PAFAH1B1: variants seen among roughly 807,000 people sequenced by gnomAD.
PAFAH1B1 encodes platelet-activating factor acetylhydrolase IB subunit beta.
In PAFAH1B1, 2 loss-of-function variants were observed where a neutral mutation model predicts 57.5. The observed-to-expected ratio is 0.03, with a 90% confidence interval of 0.01 to 0.11. PAFAH1B1 has a LOEUF of 0.11. Ranked by LOEUF, PAFAH1B1 falls within the 10% of genes least tolerant of loss-of-function variation. The probability of loss-of-function intolerance (pLI) is 1.00; values close to 1 mark genes in which losing one functional copy is unlikely to be tolerated. For missense variants in PAFAH1B1, 257 were observed against 512.0 expected, an observed-to-expected ratio of 0.50 and a Z score of 4.81; for synonymous variants, 152 against 169.6, an observed-to-expected ratio of 0.90 and a Z score of 0.81.
At chr17:2,642,937 C>T (rs987363838) in intron 2 of PAFAH1B1, among the ~76,000 whole-genome samples, 1 of 152,068 alleles carries the variant, frequency 6.6e-6, no homozygotes, top group Non-Finnish European at 1.5e-5. Flanking sequence ...AAGTGTTACT[C>T]TCTTCTGAAT....
intron 1 of PAFAH1B1, among the ~76,000 whole-genome samples, chr17:2,628,447 T>C (rs1258960400): frequency 6.6e-6 from 1 of 152,114 alleles, no homozygotes; most frequent in African/African-American, 2.4e-5. Flanking sequence ...GATCAACACA[T>C]CTTTTTGATA....
At chr17:2,665,705 G>A (rs1029923223) in intron 3 of PAFAH1B1, among the ~76,000 whole-genome samples, 1 of 152,042 alleles carries the variant, frequency 6.6e-6, no homozygotes, top group Non-Finnish European at 1.5e-5. Flanking sequence ...AGATTCAAGC[G>A]ATTCTCCTAC....
At chr17:2,651,896 A>G (rs565542403) in intron 2 of PAFAH1B1, among the ~76,000 whole-genome samples, 1 of 152,210 alleles carries the variant, frequency 6.6e-6, no homozygotes, top group South Asian at 2.1e-4. Context: ...TTTTTGTTGT[A>G]TATTCTGTTG....
intron 2 of PAFAH1B1, among the ~76,000 whole-genome samples, chr17:2,652,653 G>A (rs558746087): frequency 1.3e-4 from 20 of 152,162 alleles, no homozygotes; most frequent in South Asian, 4.1e-4. Context: ...ACCTGCCCGC[G>A]CACTTCACGT....
chr17:2,658,491 A>G (rs976355528), intron 2 of PAFAH1B1, among the ~76,000 whole-genome samples: 2 of 152,154 alleles, frequency 1.3e-5, no homozygotes, highest in African/African-American at 4.8e-5. Context: ...GTGCAGTGTG[A>G]TATACTTAAC....
intron 1 of PAFAH1B1, among the ~76,000 whole-genome samples, chr17:2,633,674 A>ATTCTC (rs2068584406): frequency 6.6e-6 from 1 of 152,150 alleles, no homozygotes; most frequent in Non-Finnish European, 1.5e-5. Context: ...TACTGAAACC[A>ATTCTC]TTCTCATCAA....
intron 1 of PAFAH1B1, among the ~76,000 whole-genome samples, chr17:2,622,903 T>C (rs2068442572): frequency 6.6e-6 from 1 of 152,254 alleles, no homozygotes; most frequent in Non-Finnish European, 1.5e-5. Flanking sequence ...TCTTGACTTC[T>C]GTGAACCCAC....
At chr17:2,661,034 G>A (rs1170610846) in intron 2 of PAFAH1B1, among the ~76,000 whole-genome samples, 1 of 151,820 alleles carries the variant, frequency 6.6e-6, no homozygotes. Context: ...ATGTTTTTTG[G>A]CCACATAAAT....
In PAFAH1B1 at chr17:2,652,272, G is replaced by A. The variant is rs575255829; in HGVS notation, c.33-13100G>A. ...AAAAATACAAAAAAAAAAATTGGCC[G>A]GGCGTGGTGGCGGGTGCCTGTAGTC... On this transcript the variant is annotated intron_variant, in intron 2 of 10. Coordinates refer to ENST00000397195, the MANE Select transcript of PAFAH1B1 (RefSeq NM_000430.4). Among the ~76,000 whole-genome samples, 786 of 149,772 alleles carry A rather than the reference G, an allele frequency of 5.2e-3. 8 individuals carry two copies. Among genetic ancestry groups the A allele is most frequent in the African/African-American group, 0.018 (726 of 40,226 alleles).
intron 2 of PAFAH1B1, among the ~76,000 whole-genome samples, chr17:2,654,396 C>G (rs1478660114): frequency 1.3e-4 from 19 of 151,794 alleles, no homozygotes; most frequent in Admixed American, 1.2e-3. Flanking sequence ...CCAGGCTGGT[C>G]TCAAACTGAC....
chr17:2,634,363 C>T (rs1178594396), intron 1 of PAFAH1B1, among the ~76,000 whole-genome samples: 2 of 152,174 alleles, frequency 1.3e-5, no homozygotes, highest in Non-Finnish European at 2.9e-5. Context: ...TCTTGAACTC[C>T]TGACCTCAGG....
intron 1 of PAFAH1B1, among the ~76,000 whole-genome samples, chr17:2,626,266 T>A (rs1366068883): frequency 6.6e-6 from 1 of 151,266 alleles, no homozygotes. Context: ...AAAAAAAAAA[T>A]TATTTCTGTT....
At chr17:2,670,725 G>A (rs1263485659) in intron 6 of PAFAH1B1, among the ~76,000 whole-genome samples, 4 of 152,174 alleles carry the variant, frequency 2.6e-5, no homozygotes, top group East Asian at 1.9e-4. Context: ...TGAGCTGAGC[G>A]CACAGACCCC....
At chr17:2,651,637 A>G (rs749702160) in intron 2 of PAFAH1B1, among the ~76,000 whole-genome samples, 23 of 148,730 alleles carry the variant, frequency 1.5e-4, no homozygotes, top group East Asian at 9.7e-4. Flanking sequence ...AATTCTCCTA[A>G]ATTTTTTGTT....
intron 1 of PAFAH1B1, among the ~76,000 whole-genome samples, chr17:2,626,552 T>TCCCCCCCCC (rs1567534696): frequency 2.1e-5 from 1 of 48,572 alleles, no homozygotes; most frequent in Non-Finnish European, 3.9e-5. Flanking sequence ...ATCACCTTTC[T>TCCCCCCCCC]TCCCCCCCCC....
At chr17:2,607,352 A>G (rs2068217255) in intron 1 of PAFAH1B1, among the ~76,000 whole-genome samples, 1 of 145,646 alleles carries the variant, frequency 6.9e-6, no homozygotes, top group South Asian at 2.2e-4. Context: ...TTTTTTTTGT[A>G]TTTTAGTAGA....
intron 5 of PAFAH1B1, among the ~76,000 whole-genome samples, chr17:2,668,210 C>T (rs949813019): frequency 6.6e-6 from 1 of 151,786 alleles, no homozygotes; most frequent in Non-Finnish European, 1.5e-5. Context: ...CCTGTAGTCC[C>T]AGCTACTTGG....
intron 1 of PAFAH1B1, among the ~76,000 whole-genome samples, chr17:2,601,165 G>A (rs781699866): frequency 6.6e-6 from 1 of 151,870 alleles, no homozygotes; most frequent in Non-Finnish European, 1.5e-5. Context: ...ACTGAGTCTC[G>A]TTCTTGTCGC....
At chr17:2,631,724 G>T (rs773767761) in intron 1 of PAFAH1B1, among the ~76,000 whole-genome samples, 1 of 152,100 alleles carries the variant, frequency 6.6e-6, no homozygotes, top group Non-Finnish European at 1.5e-5. Context: ...GGAGCAATCC[G>T]CTTCCTTCAG....
Sources: allele counts gnomAD v4.1 joint callset (sites outside exome capture counted in the v4.1 genomes callset), GRCh38; gene constraint gnomAD v4.1.1; transcripts MANE v1.5; gene names NCBI Gene and HGNC (gene_info 2026-07-23, HGNC 2026-07-21).